The following SHANK2 variants were observed in gnomAD, a reference collection of about 807,000 sequenced individuals.
The protein encoded by SHANK2 is SH3 and multiple ankyrin repeat domains protein 2.
SHANK2 carries 43 observed loss-of-function variants against 133.7 expected under a neutral mutation model. The observed-to-expected ratio is 0.32, with a 90% CI of 0.25 to 0.41. The LOEUF (loss-of-function observed/expected upper bound fraction) is 0.41. Ranked by LOEUF, SHANK2 falls within the 10% of genes least tolerant of loss-of-function variation. The pLI is 1.00. For missense variants in SHANK2, 1,994 were observed against 2,235.8 expected, an observed-to-expected ratio of 0.89 and a Z score of 2.18; for synonymous variants, 1,017 against 952.8, an observed-to-expected ratio of 1.07 and a Z score of -1.24.
At chr11:71,170,647 T>C (rs574474630) in intron 2 of SHANK2, among the ~76,000 whole-genome samples, 2 of 152,214 alleles carry the variant, frequency 1.3e-5, no homozygotes, top group South Asian at 4.2e-4. Context: ...AGACCCCAAA[T>C]AGTAGGGACC....
At chr11:70,738,647 C>G (rs908755731) in intron 14 of SHANK2, among the ~76,000 whole-genome samples, 6 of 152,246 alleles carry the variant, frequency 3.9e-5, no homozygotes, top group Non-Finnish European at 8.8e-5. Context: ...CGCTGGACCC[C>G]TCGTCCTGTC....
chr11:70,543,035 G>A (rs1393158860), intron 17 of SHANK2, among the ~76,000 whole-genome samples: 1 of 152,172 alleles, frequency 6.6e-6, no homozygotes, highest in East Asian at 1.9e-4. Flanking sequence ...CGCTGGGTGA[G>A]GAGGCAGAGC....
At chr11:71,184,552 C>T (rs1352120092) in intron 2 of SHANK2, among the ~76,000 whole-genome samples, 2 of 152,196 alleles carry the variant, frequency 1.3e-5, no homozygotes, top group East Asian at 1.9e-4. Flanking sequence ...CTCTGTAGAA[C>T]TGCAGGTGCC....
intron 2 of SHANK2, among the ~76,000 whole-genome samples, chr11:71,198,429 T>C (rs995215742): frequency 2.0e-5 from 3 of 152,182 alleles, no homozygotes; most frequent in Non-Finnish European, 4.4e-5. Context: ...GGAAGGCTCA[T>C]GCCATATGAG....
intron 11 of SHANK2, among the ~76,000 whole-genome samples, chr11:70,826,113 A>G (rs1948634362): frequency 6.6e-6 from 1 of 152,194 alleles, no homozygotes; most frequent in Non-Finnish European, 1.5e-5. Flanking sequence ...GCCAGTGCCT[A>G]GCAGCCCTCT....
chr11:70,693,088 A>G (rs782575441), intron 15 of SHANK2, among the ~76,000 whole-genome samples: 3 of 151,940 alleles, frequency 2.0e-5, no homozygotes, highest in Non-Finnish European at 4.4e-5. Flanking sequence ...ATCTAACTCC[A>G]TCCTACCCCT....
Position 71,206,092 on chromosome 11 carries a change from A to T in SHANK2, c.-13+18605T>A, listed in dbSNP as rs191798660. 1.6e-3 allele frequency among the ~76,000 whole-genome samples: 250 copies of T among 152,262 alleles called. 2 individuals carry two copies. The highest frequency in any genetic ancestry group is 5.6e-3 in the African/African-American group (234 of 41,554). On this transcript the variant is annotated intron_variant, in intron 2 of 25. Coordinates refer to ENST00000601538, the MANE Select transcript of SHANK2 (RefSeq NM_012309.5). ...CGTTTCCTAAAGTGGCTACTCCATG[A>T]ACACAAGGGGAAAGAATACGCGAAC... is the stretch of plus-strand genomic sequence containing the variant.
intron 25 of SHANK2, among the ~76,000 whole-genome samples, chr11:70,480,744 G>A (rs1367803855): frequency 3.3e-5 from 5 of 152,190 alleles, no homozygotes; most frequent in East Asian, 1.9e-4. Flanking sequence ...TGTATTCCTC[G>A]TTACTCTCTA....
At chr11:70,926,384 C>T (rs1027368327) in intron 10 of SHANK2, among the ~76,000 whole-genome samples, 1 of 152,056 alleles carries the variant, frequency 6.6e-6, no homozygotes, top group Non-Finnish European at 1.5e-5. Context: ...GCCAAGATGG[C>T]GCCACCGCAC....
intron 17 of SHANK2, among the ~76,000 whole-genome samples, chr11:70,557,686 G>C (rs76606767): frequency 0.023 from 3,491 of 152,282 alleles, 76 homozygotes; most frequent in East Asian, 0.1. Flanking sequence ...CCACAGTCTG[G>C]AAGGACAAGC....
chr11:70,760,982 C>T (rs1946985058), intron 14 of SHANK2, among the ~76,000 whole-genome samples: 1 of 152,116 alleles, frequency 6.6e-6, no homozygotes, highest in South Asian at 2.1e-4. Flanking sequence ...GCTGCAATGC[C>T]CAGGGGCAGT....
At chr11:70,518,925 C>G (rs868927142) in intron 17 of SHANK2, among the ~76,000 whole-genome samples, 1 of 152,138 alleles carries the variant, frequency 6.6e-6, no homozygotes, top group Non-Finnish European at 1.5e-5. Context: ...ATTTTAACTT[C>G]TTGAGACAGG....
intron 17 of SHANK2, among the ~76,000 whole-genome samples, chr11:70,641,375 A>C (rs376388505): frequency 6.6e-6 from 1 of 152,106 alleles, no homozygotes; most frequent in Non-Finnish European, 1.5e-5. Flanking sequence ...TTACAGGCAT[A>C]AGCCACTGCG....
rs569719789 is a variant in SHANK2 at position 70,527,908 on chromosome 11, C to T, written c.2062-24977G>A. On this transcript the variant is annotated intron_variant, in intron 17 of 25. Transcript: ENST00000601538. ...CGCCCATGCTCCTTCACCGGGCGAC[C>T]CAGACCTTGCCAGGGACTCAGGTGT... 2.0e-5 allele frequency among the ~76,000 whole-genome samples: 3 copies of T among 152,352 alleles called. No individual in the cohort carries two copies. The East Asian group carries it at 5.8e-4, about 29-fold the overall frequency.
chr11:70,730,625 C>T (rs993915169), intron 14 of SHANK2, among the ~76,000 whole-genome samples: 1 of 152,154 alleles, frequency 6.6e-6, no homozygotes, highest in African/African-American at 2.4e-5. Flanking sequence ...GGCACCTGGT[C>T]CCTGCAGATG....
intron 17 of SHANK2, among the ~76,000 whole-genome samples, chr11:70,554,375 G>T (rs1471048707): frequency 2.6e-5 from 4 of 152,182 alleles, no homozygotes; most frequent in Non-Finnish European, 5.9e-5. Flanking sequence ...TTTTCCACCT[G>T]TTCTGTCCTC....
chr11:70,841,534 C>A (rs1264035709), intron 11 of SHANK2, among the ~76,000 whole-genome samples: 1 of 152,208 alleles, frequency 6.6e-6, no homozygotes, highest in African/African-American at 2.4e-5. Flanking sequence ...CATCGCTGAC[C>A]CAGCTGCTGA....
intron 15 of SHANK2, among the ~76,000 whole-genome samples, chr11:70,689,129 G>A (rs782813688): frequency 2.0e-5 from 3 of 152,180 alleles, no homozygotes; most frequent in Non-Finnish European, 2.9e-5. Context: ...AAAGAGATCC[G>A]GAAACCACTT....
Position 70,641,615 on chromosome 11 carries a change from C to T in SHANK2, c.2061+18213G>A, listed in dbSNP as rs570156098. Among the ~76,000 whole-genome samples the T allele has an allele frequency of 1.2e-4, 19 of 152,290 alleles. No homozygotes were observed. The East Asian group carries it at 3.3e-3, about 26-fold the overall frequency. ...TTCTCTTCTGCCAGCCAGAGGCGGC[C>T]GAGCCCGGTGACCTGGGCATCTGCG... On this transcript the variant is annotated intron_variant, in intron 17 of 25. Coordinates refer to ENST00000601538, the MANE Select transcript of SHANK2 (RefSeq NM_012309.5).
Sources: allele counts gnomAD v4.1 joint callset (sites outside exome capture counted in the v4.1 genomes callset), GRCh38; gene constraint gnomAD v4.1.1; transcripts MANE v1.5; gene names NCBI Gene and HGNC (gene_info 2026-07-23, HGNC 2026-07-21).